The following ANKRD18B variants were observed in gnomAD, a reference collection of about 807,000 sequenced individuals.
The protein encoded by ANKRD18B is ankyrin repeat domain-containing protein 18B.
Under a neutral mutation model 111.8 loss-of-function variants are expected in ANKRD18B, and 75 were observed. That is an observed-to-expected ratio of 0.67 (90% CI 0.56 to 0.81). The LOEUF is 0.81. Among genes scored for constraint, ANKRD18B ranks in the 40% least tolerant of loss-of-function variants. The pLI, the probability that ANKRD18B is intolerant of heterozygous loss-of-function variation, is 0.00. For synonymous variants in ANKRD18B, 356 were observed against 417.3 expected, an observed-to-expected ratio of 0.85 and a Z score of 1.79; for missense variants, 1,038 against 1,225.5, an observed-to-expected ratio of 0.85 and a Z score of 2.28.
chr9:33,545,336 A>C (rs1359504881), intron 10 of ANKRD18B, among the ~76,000 whole-genome samples: 1 of 152,208 alleles, frequency 6.6e-6, no homozygotes, highest in Non-Finnish European at 1.5e-5. Flanking sequence ...AATATAACCC[A>C]AAATACCACA....
At chr9:33,530,527 CAAA>C (rs34371607) in intron 3 of ANKRD18B, among the ~76,000 whole-genome samples, 7 of 82,976 alleles carry the variant, frequency 8.4e-5, no homozygotes, top group Middle Eastern at 6.8e-3. Flanking sequence ...ACAACAAGAG[CAAA>C]AAAAAAAAAA....
intron 15 of ANKRD18B, 53 bp downstream of exon 15, chr9:33,566,553 A>C: frequency 1.9e-5 from 29 of 1,564,398 alleles, no homozygotes; most frequent in Non-Finnish European, 2.4e-5. Flanking sequence ...CATTTATTTC[A>C]CTGCAAACTG....
rs1355543053 is a variant in ANKRD18B at position 33,538,746 on chromosome 9, ACT to A, written c.809-700_809-699del. Among the ~76,000 whole-genome samples the A allele has an allele frequency of 5.3e-5, 8 of 152,064 alleles. 1 individual carries two copies. Among genetic ancestry groups the A allele is most frequent in the African/African-American group, 1.9e-4 (8 of 41,470 alleles). On this transcript the variant is annotated intron_variant, in intron 6 of 18. Transcript: ENST00000684830. The stretch of plus-strand genomic sequence containing the variant: ...AAGATTCCATCTCAAAAAAAAAAAT[ACT>A]CTGTTACCATTAGGCAAGAGATAAT...
In ANKRD18B at chr9:33,565,132, A is replaced by G. The variant is rs369936737; in HGVS notation, c.2461-1087A>G. On this transcript the variant is annotated intron_variant, in intron 14 of 18. Coordinates refer to ENST00000684830, the MANE Select transcript of ANKRD18B (RefSeq NM_001393611.1). ...AAGCATTTTCCCTATGTTTACTTAC[A>G]ATAGTTTGATAACTTTGGGCCTTAC... Among the ~76,000 whole-genome samples the G allele has an allele frequency of 4.6e-5, 7 of 152,194 alleles. No homozygotes were observed. The East Asian group carries it at 9.6e-4, about 21-fold the overall frequency.
At chr9:33,533,789 G>A (rs1828151721) in intron 4 of ANKRD18B, 2 of 760,160 alleles carry the variant, frequency 2.6e-6, no homozygotes, top group Non-Finnish European at 3.5e-6. Context: ...TTTTTGTCCT[G>A]TAATCTTATA....
intron 14 of ANKRD18B, among the ~76,000 whole-genome samples, chr9:33,564,237 C>T (rs1828652583): frequency 6.6e-6 from 1 of 152,238 alleles, no homozygotes; most frequent in Admixed American, 6.5e-5. Context: ...TAGGAAATTA[C>T]AGGCATCAGC....
intron 4 of ANKRD18B, 122 bp from the exon 5 acceptor site, chr9:33,534,248 A>T (rs1024387619): frequency 2.7e-5 from 36 of 1,327,282 alleles, no homozygotes; most frequent in Non-Finnish European, 3.4e-5. Flanking sequence ...AAGCTAGTAC[A>T]TGTAAATGGT....
intron 5 of ANKRD18B, 58 bp from the exon 6 acceptor site, chr9:33,536,820 G>A (rs186381757): frequency 3.7e-6 from 4 of 1,088,554 alleles, no homozygotes; most frequent in African/African-American, 1.7e-5. Context: ...AATCTGTTTG[G>A]TAAATATTTT....
At chr9:33,543,432 G>C (rs992982105) in intron 10 of ANKRD18B, among the ~76,000 whole-genome samples, 177 bp downstream of exon 10, 17 of 152,088 alleles carry the variant, frequency 1.1e-4, no homozygotes, top group Non-Finnish European at 2.2e-4. Flanking sequence ...TATTCTTATA[G>C]TCTATAGTAA....
At chr9:33,562,770 T>C (rs2118116294) in intron 14 of ANKRD18B, among the ~76,000 whole-genome samples, 1 of 152,340 alleles carries the variant, frequency 6.6e-6, no homozygotes, top group South Asian at 2.1e-4. Context: ...TTTATTTTAC[T>C]TCTGTGAAGA....
At chr9:33,533,928 T>C (rs1368368571) in intron 4 of ANKRD18B, 1 of 153,910 alleles carries the variant, frequency 6.5e-6, no homozygotes, top group Admixed American at 6.6e-5. Context: ...ATTATAGTTG[T>C]TGCTGTTGTT....
chr9:33,556,887 C>T lies in ANKRD18B; in HGVS notation c.2330+1067C>T, dbSNP rs550403989. ...TACATGAAGTATACATCTTATTAAA[C>T]TTCTGTTTTACAGAAATAAATTTTA... is the stretch of plus-strand genomic sequence containing the variant. On this transcript the variant is annotated intron_variant, in intron 13 of 18. Coordinates refer to ENST00000684830, the MANE Select transcript of ANKRD18B (RefSeq NM_001393611.1). 2.0e-5 allele frequency among the ~76,000 whole-genome samples: 3 copies of T among 152,206 alleles called. No homozygotes were observed. In the South Asian group the frequency reaches 6.2e-4, roughly 32 times the overall value.
intron 17 of ANKRD18B, among the ~76,000 whole-genome samples, chr9:33,569,961 GA>G (rs1313735078): frequency 6.6e-6 from 1 of 152,132 alleles, no homozygotes; most frequent in Non-Finnish European, 1.5e-5. Context: ...ATACCTAAAG[GA>G]AAATAAATCA....
chr9:33,524,521 T>G lies in ANKRD18B; in HGVS notation c.32T>G (p.Leu11Arg). Residue 11 changes from leucine (L) to arginine (R), a missense_variant, in exon 1 of 19, where the codon CTG becomes CGG. Leu to Arg is a moderately radical substitution (Grantham distance 102). Coordinates refer to ENST00000684830, the MANE Select transcript of ANKRD18B (RefSeq NM_001393611.1). ...AAGCTCCTCAGTTTTGGGAGACGCCTGGGCCAGGCGCTCCTGAGCTCCATG... is the reference window on the plus strand; with the variant it reads ...AAGCTCCTCAGTTTTGGGAGACGCCGGGGCCAGGCGCTCCTGAGCTCCATG... MRKLLSFGRR[L>R]GQALLSSMDQ... is the part of the protein sequence containing the mutation. 6.4e-7 allele frequency: 1 copy of G among 1,550,718 alleles called. No individual in the cohort carries two copies. Among genetic ancestry groups the G allele is most frequent in the African/African-American group, 1.4e-5 (1 of 73,006 alleles).
chr9:33,528,923 C>G, intron 2 of ANKRD18B, 77 bp from the exon 3 acceptor site: 1 of 1,570,146 alleles, frequency 6.4e-7, no homozygotes. Flanking sequence ...TTAAATATAG[C>G]TAGTTGGTGA....
At chr9:33,559,999 C>T (rs1828582813) in intron 14 of ANKRD18B, among the ~76,000 whole-genome samples, 2 of 152,226 alleles carry the variant, frequency 1.3e-5, no homozygotes, top group Non-Finnish European at 2.9e-5. Flanking sequence ...CACCCACCTT[C>T]TTCGTATAGA....
chr9:33,564,605 T>C (rs1478304964), intron 14 of ANKRD18B, among the ~76,000 whole-genome samples: 1 of 152,242 alleles, frequency 6.6e-6, no homozygotes, highest in Non-Finnish European at 1.5e-5. Context: ...TGTTCATTTT[T>C]TGAGAAAACT....
At chr9:33,556,670 T>A (rs186583066) in intron 13 of ANKRD18B, among the ~76,000 whole-genome samples, 196 of 152,096 alleles carry the variant, frequency 1.3e-3, no homozygotes, top group Non-Finnish European at 2.5e-3. Context: ...CTGTATTTGG[T>A]CATCTTTTCT....
chr9:33,564,676 T>A (rs1296174815), intron 14 of ANKRD18B, among the ~76,000 whole-genome samples: 1 of 152,216 alleles, frequency 6.6e-6, no homozygotes, highest in Non-Finnish European at 1.5e-5. Context: ...ATGTAAGAGT[T>A]TACTGTTCTC....
Sources: allele counts gnomAD v4.1 joint callset (sites outside exome capture counted in the v4.1 genomes callset), GRCh38; gene constraint gnomAD v4.1.1; transcripts MANE v1.5; gene names NCBI Gene and HGNC (gene_info 2026-07-23, HGNC 2026-07-21).